The following DMD variants were observed in gnomAD, a reference collection of about 807,000 sequenced individuals.
DMD encodes mutant dystrophin.
Under a neutral mutation model 330.1 loss-of-function variants are expected in DMD, and 63 were observed. The ratio of observed to expected loss-of-function variants is 0.19; its 90% CI spans 0.16 to 0.24. The LOEUF (loss-of-function observed/expected upper bound fraction) is 0.24. Ranked by LOEUF, DMD falls within the 10% of genes least tolerant of loss-of-function variation. The probability of loss-of-function intolerance (pLI) is 1.00; values close to 1 mark genes in which losing one functional copy is unlikely to be tolerated. For missense variants in DMD, 3,344 were observed against 2,684.1 expected (o/e 1.25, Z -5.43); for synonymous variants, 1,223 against 959.8 (o/e 1.27, Z -5.07).
intron 43 of DMD, among the ~76,000 whole-genome samples, chrX:32,253,061 A>G (rs998416804): frequency 9.8e-6 from 1 of 102,443 alleles, no homozygotes; most frequent in Non-Finnish European, 2.0e-5. Context: ...GAAGTGAGGG[A>G]AAACAGTTTT....
chrX:32,489,692 C>G (rs756775199), intron 20 of DMD, among the ~76,000 whole-genome samples: 2 of 111,484 alleles, frequency 1.8e-5, no homozygotes, highest in African/African-American at 6.5e-5. Context: ...ATTAGAGACA[C>G]TTAATGTATA....
rs765950547 is a variant in DMD, at chrX:31,147,395, A to G, written c.10677T>C (p.Ile3559=). The change falls in exon 75 of 79, where the codon ATT becomes ATC. Residue 3559 remains isoleucine (I), a synonymous_variant. Transcript: ENST00000357033. ...GTTGACGCAGTAGCTTGGCCTCAGC[A>G]ATGAGCTCAGCATCCCGGGGACTCT... is the stretch of plus-strand genomic sequence containing the variant. ...SPQSPRDAEL[I]AEAKLLRQHK... 2.1e-5 allele frequency: 25 copies of G among 1,207,570 alleles called. No homozygotes were observed. The highest frequency in any genetic ancestry group is 1.1e-4 in the Admixed American group (5 of 45,408).
chrX:31,522,043 T>G (rs755850472), intron 55 of DMD, among the ~76,000 whole-genome samples: 5 of 110,721 alleles, frequency 4.5e-5, no homozygotes, highest in Non-Finnish European at 9.4e-5. Context: ...CATGTGATCA[T>G]GTTAAACTGG....
intron 48 of DMD, among the ~76,000 whole-genome samples, chrX:31,846,353 G>T (rs775222005): frequency 1.8e-5 from 2 of 108,882 alleles, no homozygotes; most frequent in Admixed American, 2.0e-4. Context: ...AAACTTACTA[G>T]ATATATCTTA....
chrX:31,832,086 T>A (rs2093060624), intron 49 of DMD, among the ~76,000 whole-genome samples: 1 of 111,985 alleles, frequency 8.9e-6, no homozygotes, highest in South Asian at 3.7e-4. Flanking sequence ...GGGGACAATT[T>A]TTGTCTGTTA....
At chrX:33,006,526 G>A (rs934878100) in intron 2 of DMD, among the ~76,000 whole-genome samples, 1 of 111,176 alleles carries the variant, frequency 9.0e-6, no homozygotes, top group East Asian at 2.9e-4. Context: ...TGAAACAACT[G>A]GACATCTACA....
intron 9 of DMD, among the ~76,000 whole-genome samples, chrX:32,677,954 A>G (rs1262246599): frequency 8.9e-6 from 1 of 111,997 alleles, no homozygotes; most frequent in Admixed American, 9.5e-5. Context: ...AATATGTGAC[A>G]AGTTGGATGA....
intron 60 of DMD, among the ~76,000 whole-genome samples, chrX:31,350,829 G>A (rs779656924): frequency 9.0e-6 from 1 of 110,939 alleles, no homozygotes; most frequent in South Asian, 3.9e-4. Context: ...GACAAGATTA[G>A]CATTTGGTTC....
Position 31,121,883 on chromosome X carries a change from CTCTGCCCAAATCA to C in DMD, c.*23_*35del, listed in dbSNP as rs752332058. The C allele has an allele frequency of 4.2e-4, 504 of 1,208,174 alleles. 4 individuals are homozygous for C. Among genetic ancestry groups the C allele is most frequent in the Non-Finnish European group, 3.8e-4 (338 of 893,424 alleles). ...ATGACTGATACTAAGGACTCCATCGCTCTGCCCAAATCATCTGCCATGTGGAAAAGACTTCCTA... is the reference window on the plus strand; with the variant it reads ...ATGACTGATACTAAGGACTCCATCGCTCTGCCATGTGGAAAAGACTTCCTA... On this transcript the variant is annotated 3_prime_UTR_variant, in exon 79 of 79. Transcript: ENST00000357033.
At chrX:31,712,083 C>A (rs1010419121) in intron 52 of DMD, among the ~76,000 whole-genome samples, 2 of 111,136 alleles carry the variant, frequency 1.8e-5, no homozygotes, top group African/African-American at 6.5e-5. Flanking sequence ...GAGAGGATTA[C>A]AAAAAACTGG....
At chrX:31,318,171 A>C (rs1281349797) in intron 62 of DMD, among the ~76,000 whole-genome samples, 3 of 112,085 alleles carry the variant, frequency 2.7e-5, no homozygotes, top group African/African-American at 9.7e-5. Context: ...AGTAGGGGGC[A>C]GGGGAAGGTG....
Position 31,487,800 on chromosome X carries a change from A to G in DMD, c.8548-8697T>C, listed in dbSNP as rs759065774. Among the ~76,000 whole-genome samples the G allele has an allele frequency of 2.9e-4, 33 of 112,185 alleles. 1 individual carries two copies. The South Asian group carries it at 9.3e-3, about 32-fold the overall frequency. On this transcript the variant is annotated intron_variant, in intron 57 of 78. Coordinates refer to ENST00000357033, the MANE Select transcript of DMD (RefSeq NM_004006.3). ...CATCCATTCATTGTTTCAGATAGTCAACAACATGAACAACAATATTAATTT... is the reference window on the plus strand; with the variant it reads ...CATCCATTCATTGTTTCAGATAGTCGACAACATGAACAACAATATTAATTT...
intron 2 of DMD, among the ~76,000 whole-genome samples, chrX:32,872,086 G>C (rs892199607): frequency 7.2e-5 from 8 of 111,410 alleles, no homozygotes; most frequent in Admixed American, 1.9e-4. Context: ...TGGGGATAGA[G>C]ACCAACAGAC....
chrX:32,157,638 C>T (rs1437936245), intron 44 of DMD, among the ~76,000 whole-genome samples: 3 of 111,869 alleles, frequency 2.7e-5, no homozygotes, highest in Non-Finnish European at 3.8e-5. Flanking sequence ...ATCTTCTTCC[C>T]GACTCTCTAA....
rs1490972124 is a variant in DMD at position 31,222,962 on chromosome X, T to C, written c.9361+85A>G. On this transcript the variant is annotated intron_variant, in intron 64 of 78. Coordinates refer to ENST00000357033, the MANE Select transcript of DMD (RefSeq NM_004006.3). ...GGAATTGTGACAGCTGTTTCTCCCC[T>C]CTCTAAGTAAAAATGTACCCAACCT... 6.0e-6 allele frequency: 5 copies of C among 829,945 alleles called. No homozygotes were observed. The African/African-American group carries it at 6.0e-5, about 10-fold the overall frequency. 68.4% of individuals were successfully genotyped at this position (829,945 alleles called of 1,213,427 possible).
rs571977189 is a variant in DMD, at chrX:32,318,455, C to T, written c.5923-8179G>A. 1.9e-4 allele frequency among the ~76,000 whole-genome samples: 21 copies of T among 111,451 alleles called. No individual in the cohort carries two copies. In the South Asian group the frequency reaches 6.0e-3, roughly 32 times the overall value. On this transcript the variant is annotated intron_variant, in intron 41 of 78. Coordinates refer to ENST00000357033, the MANE Select transcript of DMD (RefSeq NM_004006.3). ...CAATAACAGCATTCTGACAGTACTTCGTTTTGTCTGTTTTAGTCAAGTCAC... is the reference window on the plus strand; with the variant it reads ...CAATAACAGCATTCTGACAGTACTTTGTTTTGTCTGTTTTAGTCAAGTCAC...
intron 2 of DMD, among the ~76,000 whole-genome samples, chrX:32,883,848 A>AG (rs1214500051): frequency 9.6e-6 from 1 of 103,944 alleles, no homozygotes; most frequent in Admixed American, 1.0e-4. Context: ...AAAAAAAAAA[A>AG]AAAGAAAATG....
At chrX:33,299,154 C>T (rs771357947) in intron 1 of DMD, among the ~76,000 whole-genome samples, 2 of 111,382 alleles carry the variant, frequency 1.8e-5, no homozygotes, top group Non-Finnish European at 3.8e-5. Flanking sequence ...AATTTTTATT[C>T]TAATTTTTTT....
chrX:33,301,083 A>G (rs748160888), intron 1 of DMD, among the ~76,000 whole-genome samples: 14 of 111,700 alleles, frequency 1.3e-4, no homozygotes, highest in Non-Finnish European at 2.3e-4. Flanking sequence ...AAGGCAGAAT[A>G]TGCTAGAAGT....
Sources: gnomAD v4.1 joint callset for allele counts (sites outside exome capture counted in the v4.1 genomes callset) on GRCh38, gnomAD v4.1.1 for gene constraint, MANE v1.5 for transcripts, NCBI Gene and HGNC (gene_info 2026-07-23, HGNC 2026-07-21) for gene names.